SLC4A10: variants seen among roughly 807,000 people sequenced by gnomAD.
The protein encoded by SLC4A10 is sodium-driven chloride bicarbonate exchanger.
SLC4A10 carries 42 observed loss-of-function variants against 137.7 expected under a neutral mutation model. The ratio of observed to expected loss-of-function variants is 0.30; its 90% CI spans 0.24 to 0.39. The LOEUF (loss-of-function observed/expected upper bound fraction) is 0.39. SLC4A10 is among the 10% of genes least tolerant of loss of function. SLC4A10 has a pLI of 1.00. For synonymous variants in SLC4A10, 474 were observed against 464.1 expected (o/e 1.02, Z -0.27); for missense variants, 925 against 1,355.0 (o/e 0.68, Z 4.98).
At chr2:161,876,477 G>A (rs1015765934) in intron 8 of SLC4A10, among the ~76,000 whole-genome samples, 2 of 152,054 alleles carry the variant, frequency 1.3e-5, no homozygotes, top group Non-Finnish European at 1.5e-5. Context: ...TTAGGAGTTC[G>A]AGATCAACCT....
intron 1 of SLC4A10, among the ~76,000 whole-genome samples, chr2:161,632,919 A>C (rs2033822399): frequency 6.6e-6 from 1 of 151,708 alleles, no homozygotes; most frequent in Non-Finnish European, 1.5e-5. Flanking sequence ...TTTAACAATA[A>C]ATCATAATGG....
chr2:161,845,263 T>A (rs2059420560), intron 4 of SLC4A10, among the ~76,000 whole-genome samples: 1 of 152,146 alleles, frequency 6.6e-6, no homozygotes, highest in Admixed American at 6.6e-5. Context: ...TTTTTAATAG[T>A]CTCTTTAACA....
At chr2:161,972,142 T>TA (rs1559660466) in intron 23 of SLC4A10, among the ~76,000 whole-genome samples, 1 of 152,190 alleles carries the variant, frequency 6.6e-6, no homozygotes, top group Non-Finnish European at 1.5e-5. Context: ...TGGCCAGAAA[T>TA]GATATCATAT....
At chr2:161,688,242 C>A (rs2041638827) in intron 1 of SLC4A10, among the ~76,000 whole-genome samples, 1 of 152,118 alleles carries the variant, frequency 6.6e-6, no homozygotes, top group Non-Finnish European at 1.5e-5. Context: ...ATAGAAAAAT[C>A]ATCTGTTTTA....
At chr2:161,880,076 G>A (rs368829103) in intron 9 of SLC4A10, among the ~76,000 whole-genome samples, 2 of 152,104 alleles carry the variant, frequency 1.3e-5, no homozygotes, top group South Asian at 4.1e-4. Context: ...CAGGAACCTT[G>A]TTTTCTTCCA....
intron 26 of SLC4A10, among the ~76,000 whole-genome samples, chr2:161,979,075 T>C (rs1251028573): frequency 6.6e-6 from 1 of 152,226 alleles, no homozygotes; most frequent in East Asian, 1.9e-4. Flanking sequence ...TAGAAAATGT[T>C]AAATCCAGGT....
intron 2 of SLC4A10, among the ~76,000 whole-genome samples, chr2:161,793,863 G>T (rs935431602): frequency 1.3e-5 from 2 of 151,988 alleles, no homozygotes; most frequent in African/African-American, 4.8e-5. Context: ...GAGCTAAATT[G>T]TATAAGATTA....
At chr2:161,942,703 C>A in intron 15 of SLC4A10, 89 bp from the exon 16 acceptor site, 1 of 934,606 alleles carries the variant, frequency 1.1e-6, no homozygotes, top group Non-Finnish European at 1.7e-6. Flanking sequence ...AATGCTGTGA[C>A]TGGAGAAAAT....
chr2:161,689,797 G>A (rs1049792791), intron 1 of SLC4A10, among the ~76,000 whole-genome samples: 17 of 152,106 alleles, frequency 1.1e-4, no homozygotes, highest in Non-Finnish European at 2.2e-4. Context: ...AAGCACAGCA[G>A]GCTCTTGGCA....
At chr2:161,868,447 G>A (rs56063742) in intron 6 of SLC4A10, among the ~76,000 whole-genome samples, 9,164 of 151,402 alleles carry the variant, frequency 0.061, 363 homozygotes, top group East Asian at 0.13. Context: ...AATACTCTCA[G>A]TTTTCTCCTA....
chr2:161,981,838 G>A (rs1700257504), intron 26 of SLC4A10, among the ~76,000 whole-genome samples: 1 of 152,266 alleles, frequency 6.6e-6, no homozygotes, highest in East Asian at 1.9e-4. Context: ...GCACAAACCC[G>A]GGCGCCATAG....
chr2:161,878,414 C>T (rs2125953309), intron 8 of SLC4A10, among the ~76,000 whole-genome samples: 1 of 152,228 alleles, frequency 6.6e-6, no homozygotes, highest in East Asian at 1.9e-4. Context: ...TTTTAGACTT[C>T]ACCCTTTATT....
At chr2:161,963,285 T>C (rs551588766) in intron 21 of SLC4A10, among the ~76,000 whole-genome samples, 10 of 152,252 alleles carry the variant, frequency 6.6e-5, no homozygotes, top group Admixed American at 1.3e-4. Context: ...TAGTATGAAG[T>C]ACTATAACAA....
intron 12 of SLC4A10, among the ~76,000 whole-genome samples, chr2:161,902,432 A>G (rs1028299159): frequency 6.6e-6 from 1 of 152,146 alleles, no homozygotes; most frequent in Non-Finnish European, 1.5e-5. Context: ...TTGAATTGTG[A>G]CTTTGATAAG....
At chr2:161,865,550 A>G (rs1239537885) in intron 6 of SLC4A10, among the ~76,000 whole-genome samples, 1 of 152,106 alleles carries the variant, frequency 6.6e-6, no homozygotes, top group Non-Finnish European at 1.5e-5. Context: ...GTATGCTGTC[A>G]GAAGTGGTTT....
intron 15 of SLC4A10, among the ~76,000 whole-genome samples, chr2:161,928,649 C>CAAAAAAAA (rs34327479): frequency 1.0e-5 from 1 of 99,318 alleles, no homozygotes; most frequent in Non-Finnish European, 2.0e-5. Flanking sequence ...TCCTTGAAAG[C>CAAAAAAAA]AAAAAAAAAA....
At chr2:161,642,763 G>C (rs183459664) in intron 1 of SLC4A10, among the ~76,000 whole-genome samples, 1 of 151,904 alleles carries the variant, frequency 6.6e-6, no homozygotes, top group African/African-American at 2.4e-5. Flanking sequence ...TGCTTTGATC[G>C]TAATATCTTC....
At chr2:161,703,671 G>C (rs762265691) in intron 1 of SLC4A10, among the ~76,000 whole-genome samples, 1 of 151,588 alleles carries the variant, frequency 6.6e-6, no homozygotes, top group Non-Finnish European at 1.5e-5. Flanking sequence ...TTTTACTGAT[G>C]ATGAGGAAAT....
At chr2:161,962,340 A>G (rs1696869677) in intron 21 of SLC4A10, among the ~76,000 whole-genome samples, 1 of 152,182 alleles carries the variant, frequency 6.6e-6, no homozygotes, top group Non-Finnish European at 1.5e-5. Context: ...CAATTGAAGC[A>G]CCCACACACT....
Sources: allele counts gnomAD v4.1 joint callset (sites outside exome capture counted in the v4.1 genomes callset), GRCh38; gene constraint gnomAD v4.1.1; transcripts MANE v1.5; gene names NCBI Gene and HGNC (gene_info 2026-07-23, HGNC 2026-07-21).